TSPAN6: variants seen among roughly 807,000 people sequenced by gnomAD.
TSPAN6 encodes tetraspanin 6.
Under a neutral mutation model 18.0 loss-of-function variants are expected in TSPAN6, and 13 were observed. That is an observed-to-expected ratio of 0.72 (90% CI 0.47 to 1.15). The LOEUF (loss-of-function observed/expected upper bound fraction) is 1.15. Among genes scored for constraint, TSPAN6 ranks in the 50% most tolerant of loss-of-function variants. The pLI is 0.00. For synonymous variants in TSPAN6, 82 were observed against 67.0 expected (o/e 1.22, Z -1.09); for missense variants, 186 against 183.9 (o/e 1.01, Z -0.07).
chrX:100,636,051 GA>G (rs777955566), intron 1 of TSPAN6: 420 of 493,993 alleles, frequency 8.5e-4, no homozygotes, highest in Middle Eastern at 1.9e-3. Context: ...CCTTGAAGGG[GA>G]AAAAAAAAAC....
intron 1 of TSPAN6, chrX:100,636,338 G>A: frequency 3.2e-6 from 3 of 927,999 alleles, no homozygotes; most frequent in African/African-American, 2.0e-5. Context: ...GCCCCACCTC[G>A]CCTCCCGTAT....
At chrX:100,630,445 C>T (rs1475089995) in intron 7 of TSPAN6, among the ~76,000 whole-genome samples, 1 of 111,526 alleles carries the variant, frequency 9.0e-6, no homozygotes, top group Non-Finnish European at 1.9e-5. Flanking sequence ...TCTCTCCAGG[C>T]CAAAACATGT....
rs989372485 is a variant in TSPAN6, at chrX:100,628,854, G to A, written c.*1172C>T. On this transcript the variant is annotated 3_prime_UTR_variant, in exon 8 of 8. Coordinates refer to ENST00000373020, the MANE Select transcript of TSPAN6 (RefSeq NM_003270.4). Reference sequence around the variant, plus strand: ...TGCCATGGTGGTTTGCTGCACCTATGGGAACAGTTTTTTTTAAACAAAAAC... The same window carrying A: ...TGCCATGGTGGTTTGCTGCACCTATAGGAACAGTTTTTTTTAAACAAAAAC... 8.9e-6 allele frequency: 1 copy of A among 111,738 alleles called. No homozygotes were observed. Among genetic ancestry groups the A allele is most frequent in the African/African-American group, 3.3e-5 (1 of 30,766 alleles). 9.2% of individuals were successfully genotyped at this position (111,738 alleles called of 1,213,427 possible).
chrX:100,631,719 C>T (rs149180539), intron 6 of TSPAN6, among the ~76,000 whole-genome samples: 133 of 111,721 alleles, frequency 1.2e-3, no homozygotes, highest in African/African-American at 4.2e-3. Flanking sequence ...TGACTGACCG[C>T]AGAGAGAACC....
At chrX:100,630,981 A>G in intron 6 of TSPAN6, 115 bp from the exon 7 acceptor site, 1 of 567,078 alleles carries the variant, frequency 1.8e-6, no homozygotes, top group Non-Finnish European at 3.0e-6. Context: ...GAGTTTTTCT[A>G]GAGTTATGTT....
intron 5 of TSPAN6, 44 bp downstream of exon 5, chrX:100,633,361 G>A: frequency 8.5e-7 from 1 of 1,177,811 alleles, no homozygotes; most frequent in Non-Finnish European, 1.2e-6. Context: ...ATTCAGTTAA[G>A]TCTTCAAATA....
In TSPAN6 at chrX:100,635,737, C is replaced by A; in HGVS notation, c.97G>T (p.Val33Phe). 8.6e-7 allele frequency: 1 copy of A among 1,167,990 alleles called. No individual in the cohort carries two copies. The highest frequency in any genetic ancestry group is 1.1e-6 in the Non-Finnish European group (1 of 870,485). The change falls in exon 2 of 8, where the codon GTT (valine) becomes TTT (phenylalanine). Residue 33 changes from valine to phenylalanine, a missense_variant. Physicochemically the swap from Val to Phe is conservative, Grantham distance 50. Transcript: ENST00000373020. ...IYTFIFWITG[V>F]ILLAVGIWGK... is the part of the protein sequence containing the mutation. ...CAAATGCCAACTGCAAGAAGGATAA[C>A]GCCAGTGATCTATGTGGGAATTCAG...
At chrX:100,632,369 TG>T in intron 6 of TSPAN6, 115 bp downstream of exon 6, 1 of 548,221 alleles carries the variant, frequency 1.8e-6, no homozygotes, top group Admixed American at 3.2e-5. Flanking sequence ...ATGACGCCAC[TG>T]CATTCCAGCC....
intron 5 of TSPAN6, 83 bp from the exon 6 acceptor site, chrX:100,632,651 T>C: frequency 1.7e-6 from 1 of 598,084 alleles, no homozygotes. Flanking sequence ...TTCGATCATA[T>C]AACTCTGCAG....
At position 100,636,704 on chromosome X, in the gene TSPAN6, G is replaced by GAGA. The variant is rs2083099137; in HGVS notation, c.-13_-11dup. The GAGA allele has an allele frequency of 8.4e-7, 1 of 1,195,794 alleles. No individual in the cohort carries two copies. Among genetic ancestry groups the GAGA allele is most frequent in the Admixed American group, 2.3e-5 (1 of 44,432 alleles). On this transcript the variant is annotated 5_prime_UTR_variant, in exon 1 of 8. Coordinates refer to ENST00000373020, the MANE Select transcript of TSPAN6 (RefSeq NM_003270.4). ...GAGACGGGGACGCCATGACTAGCCCGAGACCCTGCACCACCGCACCGGGCG... is the reference window on the plus strand; with the variant it reads ...GAGACGGGGACGCCATGACTAGCCCGAGAAGACCCTGCACCACCGCACCGGGCG...
Position 100,635,821 on chromosome X carries a change from T to C in TSPAN6, c.88-75A>G, listed in dbSNP as rs1431458019. On this transcript the variant is annotated intron_variant, in intron 1 of 7. Coordinates refer to ENST00000373020, the MANE Select transcript of TSPAN6 (RefSeq NM_003270.4). The stretch of plus-strand genomic sequence containing the variant: ...CATCTTCAAATCACAACGCATGAGG[T>C]ATTTAAGGCACAATAGGTGTAATAT... 4 of 827,799 alleles carry C rather than the reference T, an allele frequency of 4.8e-6. No individual in the cohort carries two copies. In the African/African-American group the frequency reaches 8.5e-5, roughly 18 times the overall value. The allele number at this position is 827,799 out of a possible 1,213,427, so 68.2% of individuals were successfully genotyped here.
In TSPAN6 at chrX:100,628,205, T is replaced by C. The variant is rs1280650146; in HGVS notation, c.*1821A>G. The C allele has an allele frequency of 8.9e-6, 1 of 112,025 alleles. No individual in the cohort carries two copies. Among genetic ancestry groups the C allele is most frequent in the Admixed American group, 9.5e-5 (1 of 10,521 alleles). The allele number at this position is 112,025 out of a possible 1,213,427, so 9.2% of individuals were successfully genotyped here. ...ATATGTATTTGAAAATTGCTGATAATCCTTTAAATATTTGCTTCTTTAATC... is the reference window on the plus strand; with the variant it reads ...ATATGTATTTGAAAATTGCTGATAACCCTTTAAATATTTGCTTCTTTAATC... On this transcript the variant is annotated 3_prime_UTR_variant, in exon 8 of 8. Transcript: ENST00000373020.
At chrX:100,636,932 T>A (rs2083100926), upstream of TSPAN6, 4 of 258,005 alleles carry the variant, frequency 1.6e-5, no homozygotes, top group Admixed American at 2.7e-4. Context: ...AAGGTTCTAG[T>A]GTCGGAAATT....
Position 100,636,732 on chromosome X carries a change from T to G in TSPAN6, c.-38A>C. ...ACCCTGCACCACCGCACCGGGCGAT[T>G]GGAACACAGAGAGCGAGACGCGGAG... On this transcript the variant is annotated 5_prime_UTR_variant, in exon 1 of 8. Coordinates refer to ENST00000373020, the MANE Select transcript of TSPAN6 (RefSeq NM_003270.4). The G allele has an allele frequency of 8.5e-7, 1 of 1,170,424 alleles. No homozygotes were observed. The highest frequency in any genetic ancestry group is 1.1e-6 in the Non-Finnish European group (1 of 875,352).
intron 6 of TSPAN6, among the ~76,000 whole-genome samples, 187 bp from the exon 7 acceptor site, chrX:100,631,053 G>A (rs2083055817): frequency 1.8e-5 from 2 of 111,801 alleles, no homozygotes; most frequent in African/African-American, 3.3e-5. Flanking sequence ...TTGCCACTGT[G>A]ACCCAGAATT....
chrX:100,630,212 C>A (rs1347206409), intron 7 of TSPAN6, among the ~76,000 whole-genome samples: 2 of 111,814 alleles, frequency 1.8e-5, no homozygotes, highest in Non-Finnish European at 3.8e-5. Flanking sequence ...CATGTCTTCC[C>A]AAAATCTGGT....
chrX:100,629,087 A>G lies in TSPAN6; in HGVS notation c.*939T>C, dbSNP rs1046237183. ...TACTTATTAATCAAAGGCACAAACG[A>G]AAACTAAGACTTAAAGTTGACCATA... On this transcript the variant is annotated 3_prime_UTR_variant, in exon 8 of 8. Coordinates refer to ENST00000373020, the MANE Select transcript of TSPAN6 (RefSeq NM_003270.4). The G allele has an allele frequency of 8.9e-6, 1 of 112,138 alleles. No homozygotes were observed. The highest frequency in any genetic ancestry group is 1.9e-5 in the Non-Finnish European group (1 of 53,264). The allele number at this position is 112,138 out of a possible 1,213,427, so 9.2% of individuals were successfully genotyped here.
rs113029811 is a variant in TSPAN6 at position 100,635,435 on chromosome X, A to G, written c.276+123T>C. On this transcript the variant is annotated intron_variant, in intron 2 of 7. Coordinates refer to ENST00000373020, the MANE Select transcript of TSPAN6 (RefSeq NM_003270.4). ...AAACTGGCAGCTGAACTGTTACTTG[A>G]TAAGTTTCCATAAGGAACAGGAAAA... 869 of 711,719 alleles carry G rather than the reference A, an allele frequency of 1.2e-3. 8 individuals carry two copies. The African/African-American group carries it at 0.016, about 13-fold the overall frequency. 58.7% of individuals were successfully genotyped at this position (711,719 alleles called of 1,213,427 possible).
In TSPAN6 at chrX:100,635,269, A is replaced by T; in HGVS notation, c.277-17T>A. 3 of 1,149,311 alleles carry T rather than the reference A, an allele frequency of 2.6e-6. No homozygotes were observed. Among genetic ancestry groups the T allele is most frequent in the East Asian group, 3.1e-5 (1 of 31,940 alleles). 94.7% of individuals were successfully genotyped at this position (1,149,311 alleles called of 1,213,427 possible). On this transcript the variant is annotated splice_polypyrimidine_tract_variant and intron_variant, in intron 2 of 7. Transcript: ENST00000373020. The stretch of plus-strand genomic sequence containing the variant: ...CATTGCATACTGCAGGATAAGAAAG[A>T]AAGTCCAAGTCAGCATAAATAAGAT...
Sources: allele counts gnomAD v4.1 joint callset (sites outside exome capture counted in the v4.1 genomes callset), GRCh38; gene constraint gnomAD v4.1.1; transcripts MANE v1.5; gene names NCBI Gene and HGNC (gene_info 2026-07-23, HGNC 2026-07-21).